Variants in CYFIP1 observed in about 807,000 individuals in gnomAD.
The protein encoded by CYFIP1 is cytoplasmic FMR1-interacting protein 1.
CYFIP1 carries 58 observed loss-of-function variants against 163.5 expected under a neutral mutation model. The ratio of observed to expected loss-of-function variants is 0.35; its 90% CI spans 0.29 to 0.44. CYFIP1 has a LOEUF of 0.44. Ranked by LOEUF, CYFIP1 falls within the 20% of genes least tolerant of loss-of-function variation. The probability of loss-of-function intolerance (pLI) is 1.00; values close to 1 mark genes in which losing one functional copy is unlikely to be tolerated. For synonymous variants in CYFIP1, 663 were observed against 660.7 expected, an observed-to-expected ratio of 1.00 and a Z score of -0.05; for missense variants, 1,338 against 1,653.8, an observed-to-expected ratio of 0.81 and a Z score of 3.31.
chr15:22,968,459 C>T (rs1310550827), intron 1 of CYFIP1, among the ~76,000 whole-genome samples: 1 of 152,146 alleles, frequency 6.6e-6, no homozygotes, highest in African/African-American at 2.4e-5. Flanking sequence ...TCAGCTTTTC[C>T]CCGGGTCTTT....
At chr15:22,920,963 C>T (rs1020081554) in intron 13 of CYFIP1, among the ~76,000 whole-genome samples, 1 of 152,142 alleles carries the variant, frequency 6.6e-6, no homozygotes, top group African/African-American at 2.4e-5. Context: ...AAACTGAGAG[C>T]TTTAGATGCA....
intron 1 of CYFIP1, among the ~76,000 whole-genome samples, chr15:22,950,672 G>C (rs535861445): frequency 6.6e-6 from 1 of 152,330 alleles, no homozygotes; most frequent in South Asian, 2.1e-4. Flanking sequence ...TAAACTCTCA[G>C]ACCGTCCTGC....
At chr15:22,885,363 GCTC>G (rs1409062419) in intron 23 of CYFIP1, among the ~76,000 whole-genome samples, 6 of 152,116 alleles carry the variant, frequency 3.9e-5, no homozygotes, top group South Asian at 2.1e-4. Context: ...TTCCCAACAA[GCTC>G]CTCAATTCCA....
intron 20 of CYFIP1, 81 bp downstream of exon 20, chr15:22,910,439 C>CA: frequency 8.6e-7 from 1 of 1,163,406 alleles, no homozygotes; most frequent in Non-Finnish European, 1.3e-6. Context: ...GGATTACAGG[C>CA]GTGAGCCACC....
intron 13 of CYFIP1, among the ~76,000 whole-genome samples, chr15:22,923,102 G>T (rs1360207359): frequency 1.3e-5 from 2 of 151,790 alleles, no homozygotes; most frequent in Non-Finnish European, 2.9e-5. Context: ...AGCAACGAAA[G>T]AAAAACAGAT....
chr15:22,971,094 C>G (rs773522637), intron 1 of CYFIP1, among the ~76,000 whole-genome samples: 2 of 152,016 alleles, frequency 1.3e-5, no homozygotes, highest in Non-Finnish European at 2.9e-5. Context: ...ACCAAACACA[C>G]ACACAAAAAA....
chr15:22,890,494 G>C (rs930375748), intron 23 of CYFIP1, among the ~76,000 whole-genome samples: 1 of 152,154 alleles, frequency 6.6e-6, no homozygotes, highest in Non-Finnish European at 1.5e-5. Flanking sequence ...CCACAGAGGA[G>C]AGGCCCGGTC....
intron 1 of CYFIP1, among the ~76,000 whole-genome samples, chr15:22,948,356 G>A (rs1350982179): frequency 6.6e-6 from 1 of 152,152 alleles, no homozygotes; most frequent in Non-Finnish European, 1.5e-5. Context: ...CGGCACACAG[G>A]GGGCAGGTCC....
At position 22,933,890 on chromosome 15, in the gene CYFIP1, G is replaced by C; in HGVS notation, c.904C>G (p.Leu302Val). Reference protein sequence around the residue: ...LSKIDKYFKQLQVVPLFGDMQ... With the variant: ...LSKIDKYFKQVQVVPLFGDMQ... ...TCCCCAAATAGCGGAACCACCTGGA[G>C]TTGCTGTATTCAAAGAACAAAAAAA... Residue 302 changes from leucine to valine, a missense_variant, in exon 10 of 31, where the codon CTC becomes GTC. By Grantham distance (32) the Leu-to-Val change is conservative (BLOSUM62 1). This residue lies in a region of CYFIP1 where 824 missense variants were observed against 995.7 expected (regional missense o/e 0.83). Transcript: ENST00000617928. The C allele has an allele frequency of 6.2e-7, 1 of 1,608,950 alleles. No homozygotes were observed. The highest frequency in any genetic ancestry group is 8.5e-7 in the Non-Finnish European group (1 of 1,177,174).
intron 26 of CYFIP1, among the ~76,000 whole-genome samples, chr15:22,877,923 C>G (rs903582850): frequency 3.9e-5 from 6 of 152,270 alleles, no homozygotes; most frequent in African/African-American, 1.4e-4. Flanking sequence ...AACACATTCT[C>G]TTTCACCGCA....
chr15:22,915,703 C>T (rs1463688372), intron 16 of CYFIP1, among the ~76,000 whole-genome samples: 2 of 152,188 alleles, frequency 1.3e-5, no homozygotes, highest in East Asian at 1.9e-4. Flanking sequence ...GAGCTGAGAT[C>T]GCCCCACTGT....
intron 23 of CYFIP1, among the ~76,000 whole-genome samples, chr15:22,885,912 C>A (rs2059915179): frequency 6.6e-6 from 1 of 152,074 alleles, no homozygotes; most frequent in East Asian, 1.9e-4. Flanking sequence ...TCTACCAGTA[C>A]CAATTTACTG....
intron 22 of CYFIP1, among the ~76,000 whole-genome samples, chr15:22,902,760 G>A (rs926740181): frequency 1.3e-5 from 2 of 152,180 alleles, no homozygotes; most frequent in African/African-American, 4.8e-5. Flanking sequence ...AATGGCCTCA[G>A]TGATGCAACA....
chr15:22,932,474 A>C, intron 10 of CYFIP1, 134 bp from the exon 11 acceptor site: 1 of 544,610 alleles, frequency 1.8e-6, no homozygotes, highest in Non-Finnish European at 3.2e-6. Flanking sequence ...GTTTAAAAAA[A>C]CAACACAGAA....
At chr15:22,945,608 C>T (rs575018805) in intron 3 of CYFIP1, among the ~76,000 whole-genome samples, 2 of 149,190 alleles carry the variant, frequency 1.3e-5, no homozygotes, top group South Asian at 4.2e-4. Context: ...GAGTCTTGCT[C>T]TGTCCCCCAG....
At chr15:22,954,447 A>G (rs1295219703) in intron 1 of CYFIP1, among the ~76,000 whole-genome samples, 1 of 152,244 alleles carries the variant, frequency 6.6e-6, no homozygotes, top group African/African-American at 2.4e-5. Flanking sequence ...TTTGCTGATC[A>G]TGAAAATAAT....
Position 22,927,883 on chromosome 15 carries a change from C to T in CYFIP1, c.1233+23G>A, listed in dbSNP as rs774350999. Reference sequence around the variant, plus strand: ...TGCCCGAGGCAGCTTTGGAGCGGGGCTGGGGTCGGGGACGGGGCCTACCAC... The same window carrying T: ...TGCCCGAGGCAGCTTTGGAGCGGGGTTGGGGTCGGGGACGGGGCCTACCAC... On this transcript the variant is annotated intron_variant, in intron 12 of 30. Transcript: ENST00000617928. 7.6e-6 allele frequency: 12 copies of T among 1,584,656 alleles called. No individual in the cohort carries two copies. In the East Asian group the frequency reaches 2.8e-4, roughly 37 times the overall value.
At chr15:22,943,105 G>T in intron 6 of CYFIP1, 68 bp downstream of exon 6, 1 of 1,485,526 alleles carries the variant, frequency 6.7e-7, no homozygotes. Flanking sequence ...CACACCTGCT[G>T]TGCACAAGGC....
chr15:22,905,259 T>C lies in CYFIP1; in HGVS notation c.2389-1354A>G, dbSNP rs562516565. 3 of 152,286 alleles carry C rather than the reference T, an allele frequency of 2.0e-5. No individual in the cohort carries two copies. The East Asian group carries it at 5.8e-4, about 29-fold the overall frequency. The allele number at this position is 152,286 out of a possible 1,614,324, so 9.4% of individuals were successfully genotyped here. A position where few individuals can be genotyped will look rare whatever the true frequency, so the allele number is the denominator to read the frequency against. ...TGGGTCGGTTTTACCAAATACATGA[T>C]GTATGCTTTTAATAGACACTTTCAA... On this transcript the variant is annotated intron_variant, in intron 21 of 30. Transcript: ENST00000617928.
Sources: gnomAD v4.1 joint callset for allele counts (sites outside exome capture counted in the v4.1 genomes callset) on GRCh38, gnomAD v4.1.1 for gene constraint, gnomAD v4.1.1 regional missense constraint, MANE v1.5 for transcripts, NCBI Gene and HGNC (gene_info 2026-07-23, HGNC 2026-07-21) for gene names.